The following OTUD7A variants were observed in gnomAD, a reference collection of about 807,000 sequenced individuals.
The protein encoded by OTUD7A is OTU deubiquitinase 7A, also known as OTU domain-containing protein 7A.
OTUD7A carries 12 observed loss-of-function variants against 65.7 expected under a neutral mutation model. The observed-to-expected ratio is 0.18, with a 90% CI of 0.12 to 0.30. The LOEUF is 0.30. Among genes scored for constraint, OTUD7A ranks in the 10% least tolerant of loss-of-function variants. The pLI is 1.00. For synonymous variants in OTUD7A, 641 were observed against 586.3 expected (o/e 1.09, Z -1.35); for missense variants, 1,148 against 1,304.8 (o/e 0.88, Z 1.85).
chr15:31,698,192 CT>C (rs1893128241), intron 1 of OTUD7A, among the ~76,000 whole-genome samples: 1 of 152,266 alleles, frequency 6.6e-6, no homozygotes, highest in Non-Finnish European at 1.5e-5. Context: ...CCCTTATTCT[CT>C]GGTTATTTGT....
chr15:31,780,081 G>T (rs1034637222), intron 1 of OTUD7A, among the ~76,000 whole-genome samples: 2 of 152,080 alleles, frequency 1.3e-5, no homozygotes, highest in Admixed American at 1.3e-4. Flanking sequence ...AACAAGGATG[G>T]CAGAAGCAGA....
chr15:31,774,388 T>A (rs1336917936), intron 1 of OTUD7A, among the ~76,000 whole-genome samples: 2 of 152,232 alleles, frequency 1.3e-5, no homozygotes, highest in African/African-American at 4.8e-5. Context: ...CTTTAAAATG[T>A]CTTATCACCA....
intron 1 of OTUD7A, among the ~76,000 whole-genome samples, chr15:31,773,403 G>C (rs915296991): frequency 6.6e-6 from 1 of 152,196 alleles, no homozygotes; most frequent in Non-Finnish European, 1.5e-5. Flanking sequence ...ATAAGGGCCT[G>C]CTACCCATTT....
chr15:31,855,516 A>G (rs913212939), intron 1 of OTUD7A, among the ~76,000 whole-genome samples: 1 of 152,226 alleles, frequency 6.6e-6, no homozygotes, highest in African/African-American at 2.4e-5. Context: ...AAATCGAAAA[A>G]AAAATCCTCA....
intron 1 of OTUD7A, among the ~76,000 whole-genome samples, chr15:31,759,174 C>A (rs753732574): frequency 6.6e-6 from 1 of 152,124 alleles, no homozygotes; most frequent in Non-Finnish European, 1.5e-5. Context: ...CTCCAGCACT[C>A]CACGCTCTCT....
At chr15:31,521,257 C>T (rs771315257) in intron 8 of OTUD7A, among the ~76,000 whole-genome samples, 6 of 152,186 alleles carry the variant, frequency 3.9e-5, no homozygotes, top group Admixed American at 1.3e-4. Flanking sequence ...CTTGTATCCC[C>T]TAAACATATT....
chr15:31,860,139 T>C (rs112869726), intron 1 of OTUD7A, among the ~76,000 whole-genome samples: 101 of 152,312 alleles, frequency 6.6e-4, no homozygotes, highest in African/African-American at 2.4e-3. Flanking sequence ...ATTTATTTCA[T>C]TCTTAAAAAT....
chr15:31,767,520 ACT>A (rs1895122249), intron 1 of OTUD7A: 1 of 771,152 alleles, frequency 1.3e-6, no homozygotes. Flanking sequence ...TAGTATAACT[ACT>A]CCATGTTTAC....
At chr15:31,767,118 A>AT (rs201437248) in intron 1 of OTUD7A, 1,782 of 1,519,006 alleles carry the variant, frequency 1.2e-3, no homozygotes, top group Middle Eastern at 1.4e-3. Flanking sequence ...ATTCTTCTTT[A>AT]TTTTTTTTTC....
At chr15:31,767,219 T>C (rs1895114223) in intron 1 of OTUD7A, 1 of 981,650 alleles carries the variant, frequency 1.0e-6, no homozygotes, top group East Asian at 2.4e-5. Context: ...GGGGATCATC[T>C]TGGATTTTAT....
intron 3 of OTUD7A, among the ~76,000 whole-genome samples, chr15:31,654,538 T>C (rs1218924386): frequency 6.6e-6 from 1 of 152,116 alleles, no homozygotes; most frequent in Non-Finnish European, 1.5e-5. Context: ...TCCTGAGAAG[T>C]TGTAACTGGT....
chr15:31,587,473 T>TA (rs1030936805), intron 3 of OTUD7A, among the ~76,000 whole-genome samples: 54 of 147,666 alleles, frequency 3.7e-4, no homozygotes, highest in East Asian at 3.0e-3. Flanking sequence ...CCGTCTCTAC[T>TA]AAAAAAAAAA....
At chr15:31,724,767 G>T (rs1393591170) in intron 1 of OTUD7A, among the ~76,000 whole-genome samples, 1 of 152,144 alleles carries the variant, frequency 6.6e-6, no homozygotes, top group Admixed American at 6.5e-5. Flanking sequence ...AATGTTCCCT[G>T]GATTATGGTT....
chr15:31,820,720 G>A (rs1443312241), intron 1 of OTUD7A, among the ~76,000 whole-genome samples: 2 of 152,090 alleles, frequency 1.3e-5, no homozygotes, highest in Non-Finnish European at 2.9e-5. Context: ...TACTTCTCCA[G>A]GAATTTGAAA....
At chr15:31,804,229 T>C (rs1013207670) in intron 1 of OTUD7A, among the ~76,000 whole-genome samples, 1 of 152,048 alleles carries the variant, frequency 6.6e-6, no homozygotes, top group African/African-American at 2.4e-5. Context: ...GAAGAGAAAA[T>C]GTGTGGGACA....
In OTUD7A at chr15:31,510,995, T is replaced by TATGCATATCTATATGTAACATAC. The variant is rs2041700775; in HGVS notation, c.894-7178_894-7177insGTATGTTACATATAGATATGCAT. 9.4e-5 allele frequency among the ~76,000 whole-genome samples: 8 copies of TATGCATATCTATATGTAACATAC among 84,804 alleles called. 4 individuals are homozygous for TATGCATATCTATATGTAACATAC. Among genetic ancestry groups the TATGCATATCTATATGTAACATAC allele is most frequent in the African/African-American group, 4.8e-4 (8 of 16,528 alleles). The allele number at this position is 84,804 out of a possible 152,430, so 55.6% of individuals were successfully genotyped here. ...AACATATGTATATCTATATGTAACA[T>TATGCATATCTATATGTAACATAC]ATGTATATCTATATGTAACATACAT... On this transcript the variant is annotated intron_variant, in intron 8 of 12. Coordinates refer to ENST00000307050, the MANE Select transcript of OTUD7A (RefSeq NM_001382637.1).
intron 5 of OTUD7A, 76 bp downstream of exon 5, chr15:31,558,893 G>T: frequency 6.8e-7 from 1 of 1,474,618 alleles, no homozygotes; most frequent in South Asian, 1.2e-5. Context: ...CCCTTCTCTT[G>T]CTCATAGAGT....
chr15:31,576,926 T>A (rs1889219859), intron 3 of OTUD7A, among the ~76,000 whole-genome samples: 1 of 152,084 alleles, frequency 6.6e-6, no homozygotes, highest in African/African-American at 2.4e-5. Context: ...CAGACACACC[T>A]TGTAATACCG....
chr15:31,826,135 C>T (rs1896791946), intron 1 of OTUD7A, among the ~76,000 whole-genome samples: 1 of 152,218 alleles, frequency 6.6e-6, no homozygotes, highest in Non-Finnish European at 1.5e-5. Flanking sequence ...CTAGGCAGTG[C>T]CCCAGTAAGG....
Sources: allele counts gnomAD v4.1 joint callset (sites outside exome capture counted in the v4.1 genomes callset), GRCh38; gene constraint gnomAD v4.1.1; transcripts MANE v1.5; gene names NCBI Gene and HGNC (gene_info 2026-07-23, HGNC 2026-07-21).